TXNDC15: variants seen among roughly 807,000 people sequenced by gnomAD.
The protein encoded by TXNDC15 is thioredoxin domain containing 15, also known as thioredoxin domain-containing protein 15.
In TXNDC15, 24 loss-of-function variants were observed where a neutral mutation model predicts 35.0. The ratio of observed to expected loss-of-function variants is 0.68; its 90% CI spans 0.50 to 0.96. TXNDC15 has a LOEUF of 0.96. Ranked by LOEUF, TXNDC15 falls within the 40% of genes least tolerant of loss-of-function variation. The pLI is 0.00. For synonymous variants in TXNDC15, 169 were observed against 174.0 expected (o/e 0.97, Z 0.23); for missense variants, 385 against 453.3 (o/e 0.85, Z 1.37).
intron 2 of TXNDC15, among the ~76,000 whole-genome samples, chr5:134,889,743 T>C (rs1750350848): frequency 6.6e-6 from 1 of 152,194 alleles, no homozygotes; most frequent in African/African-American, 2.4e-5. Flanking sequence ...TACTACAGGT[T>C]TGGTTCCAGA....
At chr5:134,877,807 T>C (rs1324350630) in intron 1 of TXNDC15, among the ~76,000 whole-genome samples, 1 of 148,454 alleles carries the variant, frequency 6.7e-6, no homozygotes, top group Non-Finnish European at 1.5e-5. Flanking sequence ...GGAGTTTTGC[T>C]CTTGTTGCTC....
chr5:134,886,610 G>A (rs1413944370), intron 1 of TXNDC15, among the ~76,000 whole-genome samples: 1 of 152,378 alleles, frequency 6.6e-6, no homozygotes, highest in East Asian at 1.9e-4. Flanking sequence ...TGCTGCCTCT[G>A]CACTGCCGAG....
intron 1 of TXNDC15, chr5:134,875,199 C>T (rs943860825): frequency 4.4e-6 from 2 of 456,172 alleles, no homozygotes; most frequent in Admixed American, 4.7e-5. Flanking sequence ...GTAGGGAAGG[C>T]AGCCACTCTA....
chr5:134,897,147 T>G (rs1160294447), intron 4 of TXNDC15, among the ~76,000 whole-genome samples: 1 of 151,774 alleles, frequency 6.6e-6, no homozygotes, highest in Non-Finnish European at 1.5e-5. Context: ...TTGGCCAGGC[T>G]GGTCTCGATC....
At chr5:134,893,747 G>GA in intron 3 of TXNDC15, 92 bp downstream of exon 3, 7 of 1,515,820 alleles carry the variant, frequency 4.6e-6, no homozygotes, top group Non-Finnish European at 6.3e-6. Flanking sequence ...AAGCAGAAGA[G>GA]GGGGGGCATG....
At chr5:134,894,339 C>T (rs1302972840) in intron 3 of TXNDC15, among the ~76,000 whole-genome samples, 10 of 151,488 alleles carry the variant, frequency 6.6e-5, no homozygotes, top group Non-Finnish European at 1.5e-5. Flanking sequence ...CAGGCATGCG[C>T]CACCATGCCA....
intron 2 of TXNDC15, 23 bp downstream of exon 2, chr5:134,888,205 T>C: frequency 6.4e-7 from 1 of 1,564,332 alleles, no homozygotes. Flanking sequence ...TATTTAGTGC[T>C]TTTCTCCTTT....
rs112231626 is a variant in TXNDC15, at chr5:134,901,093, A to C, written c.*1408A>C. ...GTGAGCCACTGCGCCTGGCCTAAAC[A>C]AACTTTTTGAAAAGCTGTTTCTAAA... On this transcript the variant is annotated 3_prime_UTR_variant, in exon 5 of 5. Coordinates refer to ENST00000358387, the MANE Select transcript of TXNDC15 (RefSeq NM_024715.4). 2 of 152,318 alleles carry C rather than the reference A, an allele frequency of 1.3e-5. No individual in the cohort carries two copies. Among genetic ancestry groups the C allele is most frequent in the African/African-American group, 4.8e-5 (2 of 41,584 alleles). 9.4% of individuals were successfully genotyped at this position (152,318 alleles called of 1,614,324 possible).
intron 4 of TXNDC15, among the ~76,000 whole-genome samples, chr5:134,897,609 T>C (rs529394927): frequency 6.6e-6 from 1 of 152,372 alleles, no homozygotes; most frequent in African/African-American, 2.4e-5. Context: ...TACACTTTAC[T>C]TATAACTTTT....
At chr5:134,897,485 G>A (rs949164719) in intron 4 of TXNDC15, among the ~76,000 whole-genome samples, 4 of 152,176 alleles carry the variant, frequency 2.6e-5, no homozygotes, top group African/African-American at 9.7e-5. Flanking sequence ...CTAACCTCAA[G>A]TGATCTGCCT....
intron 1 of TXNDC15, among the ~76,000 whole-genome samples, chr5:134,884,143 C>G (rs1750224841): frequency 6.7e-6 from 1 of 149,978 alleles, no homozygotes; most frequent in Non-Finnish European, 1.5e-5. Context: ...TTGCTTGAAC[C>G]CGGGAGGTGG....
At chr5:134,881,644 C>T (rs1303132139) in intron 1 of TXNDC15, among the ~76,000 whole-genome samples, 1 of 141,298 alleles carries the variant, frequency 7.1e-6, no homozygotes, top group Non-Finnish European at 1.5e-5. Flanking sequence ...ACCTTTCCCC[C>T]CTTTCTATTC....
chr5:134,875,550 T>C lies in TXNDC15; in HGVS notation c.103+1020T>C, dbSNP rs950389122. On this transcript the variant is annotated intron_variant, in intron 1 of 4. Coordinates refer to ENST00000358387, the MANE Select transcript of TXNDC15 (RefSeq NM_024715.4). ...GCTTGCTCTGTTGCCCAGGCGGGAGTGCAGTGGCCCATCATGGCTCCCTGC... is the reference window on the plus strand; with the variant it reads ...GCTTGCTCTGTTGCCCAGGCGGGAGCGCAGTGGCCCATCATGGCTCCCTGC... Among the ~76,000 whole-genome samples, 3 of 152,264 alleles carry C rather than the reference T, an allele frequency of 2.0e-5. No homozygotes were observed. The South Asian group carries it at 6.2e-4, about 32-fold the overall frequency.
chr5:134,885,141 C>T (rs1160498435), intron 1 of TXNDC15, among the ~76,000 whole-genome samples: 1 of 152,206 alleles, frequency 6.6e-6, no homozygotes, highest in Admixed American at 6.5e-5. Context: ...AGGCTGGTCT[C>T]AAACTTCTGA....
chr5:134,875,027 T>G (rs1305850383), intron 1 of TXNDC15: 24 of 413,930 alleles, frequency 5.8e-5, no homozygotes, highest in Non-Finnish European at 9.7e-5. Flanking sequence ...CGCCTAAGTT[T>G]GCGCTTCTGA....
rs547496962 is a variant in TXNDC15, at chr5:134,880,194, C to T, written c.103+5664C>T. 5.3e-5 allele frequency among the ~76,000 whole-genome samples: 8 copies of T among 152,220 alleles called. 1 individual carries two copies. The South Asian group carries it at 1.7e-3, about 32-fold the overall frequency. On this transcript the variant is annotated intron_variant, in intron 1 of 4. Coordinates refer to ENST00000358387, the MANE Select transcript of TXNDC15 (RefSeq NM_024715.4). ...CTCCCTTAGTCTTCCTTGCCTGTAG[C>T]GAATCTACCCTACCTTCCTCGCCCC...
chr5:134,893,465 C>T (rs767503020), intron 2 of TXNDC15, 27 bp from the exon 3 acceptor site: 2 of 1,613,230 alleles, frequency 1.2e-6, no homozygotes, highest in Non-Finnish European at 1.7e-6. Context: ...TTACTGCTAA[C>T]TTTAATGCTT....
intron 2 of TXNDC15, among the ~76,000 whole-genome samples, chr5:134,889,901 C>T (rs1750354318): frequency 2.0e-5 from 3 of 152,168 alleles, no homozygotes; most frequent in Non-Finnish European, 4.4e-5. Context: ...TTTAAAAATA[C>T]TTTATTGCTA....
intron 2 of TXNDC15, among the ~76,000 whole-genome samples, chr5:134,888,895 T>A (rs763547219): frequency 6.3e-5 from 3 of 47,616 alleles, no homozygotes; most frequent in African/African-American, 1.8e-4. Flanking sequence ...CTGGAAAATA[T>A]GTTATATTGA....
Sources: allele counts gnomAD v4.1 joint callset (sites outside exome capture counted in the v4.1 genomes callset), GRCh38; gene constraint gnomAD v4.1.1; transcripts MANE v1.5; gene names NCBI Gene and HGNC (gene_info 2026-07-23, HGNC 2026-07-21).